Variants in N4BP2 observed in about 807,000 individuals in gnomAD.
N4BP2 encodes the protein NEDD4-binding protein 2.
N4BP2 carries 91 observed loss-of-function variants against 152.8 expected under a neutral mutation model. The observed-to-expected ratio is 0.60, with a 90% CI of 0.50 to 0.71. N4BP2 has a LOEUF of 0.71. Among genes scored for constraint, N4BP2 ranks in the 30% least tolerant of loss-of-function variants. The probability of loss-of-function intolerance (pLI) is 0.00; values close to 1 mark genes in which losing one functional copy is unlikely to be tolerated. For synonymous variants in N4BP2, 646 were observed against 705.3 expected (o/e 0.92, Z 1.33); for missense variants, 1,923 against 2,059.1 (o/e 0.93, Z 1.28).
Position 40,082,572 on chromosome 4 carries a change from T to G in N4BP2, c.-115+9021T>G, listed in dbSNP as rs149878648. Among the ~76,000 whole-genome samples, 1,118 of 152,202 alleles carry G rather than the reference T, an allele frequency of 7.3e-3. 4 individuals carry two copies. Among genetic ancestry groups the G allele is most frequent in the African/African-American group, 0.025 (1,046 of 41,528 alleles). On this transcript the variant is annotated intron_variant, in intron 2 of 17. Coordinates refer to ENST00000261435, the MANE Select transcript of N4BP2 (RefSeq NM_018177.6). ...ACTAGGATTATGTGGAAGAGTTAGTTCCTTGAGCCCAGGACTTCGAGACCA... is the reference window on the plus strand; with the variant it reads ...ACTAGGATTATGTGGAAGAGTTAGTGCCTTGAGCCCAGGACTTCGAGACCA...
chr4:40,117,517 A>G (rs1199770814), intron 7 of N4BP2, among the ~76,000 whole-genome samples: 2 of 152,240 alleles, frequency 1.3e-5, no homozygotes, highest in African/African-American at 2.4e-5. Flanking sequence ...CTCCGAGTTG[A>G]AGGCCTCAGA....
chr4:40,102,321 A>T lies in N4BP2; in HGVS notation c.476A>T (p.Asp159Val), dbSNP rs1401835073. The change falls in exon 4 of 18, where the codon GAC becomes GTC. Residue 159 changes from aspartate to valine, a missense_variant. By Grantham distance (152) the Asp-to-Val change is radical (BLOSUM62 -3). Coordinates refer to ENST00000261435, the MANE Select transcript of N4BP2 (RefSeq NM_018177.6). ...GAGAAATTGAACTCTTCTCCTGATG[A>T]CCAAGTATACTCATTTTTGCCTTCA... ...AFEKLNSSPDDQVYSFLPSQD... is the reference protein window; with the variant it reads ...AFEKLNSSPDVQVYSFLPSQD... 2 of 1,613,316 alleles carry T rather than the reference A, an allele frequency of 1.2e-6. No individual in the cohort carries two copies. Among genetic ancestry groups the T allele is most frequent in the South Asian group, 2.2e-5 (2 of 91,004 alleles).
chr4:40,080,344 G>A (rs12512577), intron 2 of N4BP2, among the ~76,000 whole-genome samples: 1 of 149,590 alleles, frequency 6.7e-6, no homozygotes, highest in Non-Finnish European at 1.5e-5. Flanking sequence ...ACATATATAT[G>A]TATATATATA....
intron 16 of N4BP2, among the ~76,000 whole-genome samples, chr4:40,145,692 G>A (rs77135513): frequency 0.053 from 8,095 of 152,156 alleles, 648 homozygotes; most frequent in East Asian, 0.41. Context: ...AATTAATAGT[G>A]TTTTACTCAA....
downstream of N4BP2, among the ~76,000 whole-genome samples, chr4:40,162,735 G>T (rs1721890472): frequency 6.6e-6 from 1 of 152,166 alleles, no homozygotes; most frequent in African/African-American, 2.4e-5. Flanking sequence ...GGGTTCTCCA[G>T]AATGAATAGG....
downstream of N4BP2, among the ~76,000 whole-genome samples, chr4:40,158,664 C>T (rs1267791107): frequency 3.3e-5 from 5 of 151,932 alleles, no homozygotes; most frequent in Non-Finnish European, 5.9e-5. Flanking sequence ...GTGGCATACA[C>T]CTGTAATCCC....
At chr4:40,173,005 G>A in the N4BP2 span, among the ~76,000 whole-genome samples, 3 of 151,802 alleles carry the variant, frequency 2.0e-5, no homozygotes, top group Admixed American at 6.6e-5. Context: ...AGTTGACACC[G>A]CCTTGCTGTT....
At chr4:40,149,256 T>C (rs1448851242) in intron 16 of N4BP2, among the ~76,000 whole-genome samples, 5 of 152,188 alleles carry the variant, frequency 3.3e-5, no homozygotes, top group Admixed American at 6.5e-5. Flanking sequence ...TACAATGAAA[T>C]TTAATTTAGC....
At chr4:40,177,041 G>A in the N4BP2 span, among the ~76,000 whole-genome samples, 11,381 of 152,232 alleles carry the variant, frequency 0.075, 449 homozygotes, top group Middle Eastern at 0.082. Context: ...AATTAAGGAA[G>A]AGTCCTGCAA....
chr4:40,126,557 T>A (rs1257729879), intron 12 of N4BP2, among the ~76,000 whole-genome samples: 1 of 152,194 alleles, frequency 6.6e-6, no homozygotes, highest in East Asian at 1.9e-4. Context: ...AAGTTTGTGT[T>A]GTTTTAGATT....
intron 15 of N4BP2, 35 bp from the exon 16 acceptor site, chr4:40,144,597 C>G: frequency 6.5e-7 from 1 of 1,541,596 alleles, no homozygotes; most frequent in Non-Finnish European, 8.8e-7. Context: ...TAGCAAACAG[C>G]AAAACTGTCC....
At chr4:40,087,738 G>A (rs992348611) in intron 2 of N4BP2, among the ~76,000 whole-genome samples, 2 of 151,800 alleles carry the variant, frequency 1.3e-5, no homozygotes, top group Non-Finnish European at 2.9e-5. Flanking sequence ...TAGCCTTTTA[G>A]GACTGGCTTT....
chr4:40,144,728 T>C lies in N4BP2; in HGVS notation c.5071T>C (p.Leu1691=), dbSNP rs765109427. ...TGCTTCGCTGCTGCCACAGAATGTT[T>C]TAGACCTCCATGGGCTGCATGTGGA... is the stretch of plus-strand genomic sequence containing the variant. ...VNASLLPQNV[L]DLHGLHVDEA... is the part of the protein sequence containing the mutation. Residue 1691 remains leucine, a synonymous_variant, in exon 16 of 18, where the codon TTA becomes CTA. Transcript: ENST00000261435. The C allele has an allele frequency of 2.5e-6, 4 of 1,614,138 alleles. No individual in the cohort carries two copies. In the South Asian group the frequency reaches 3.3e-5, roughly 13 times the overall value.
chr4:40,139,553 G>A lies in N4BP2; in HGVS notation c.4785+2471G>A, dbSNP rs188046958. 2.9e-3 allele frequency among the ~76,000 whole-genome samples: 425 copies of A among 145,550 alleles called. 5 individuals are homozygous for A. The highest frequency in any genetic ancestry group is 0.01 in the African/African-American group (399 of 39,162). ...GTCGCCCAGGCTGGAGTGCAGTGGC[G>A]CGATCTCGGCTCACTGCAACCTGTG... On this transcript the variant is annotated intron_variant, in intron 14 of 17. Transcript: ENST00000261435.
chr4:40,098,803 C>T (rs1715338411), intron 3 of N4BP2, among the ~76,000 whole-genome samples: 1 of 152,108 alleles, frequency 6.6e-6, no homozygotes, highest in Non-Finnish European at 1.5e-5. Context: ...CATCCTATAC[C>T]ATAACAAAAA....
chr4:40,066,974 T>C (rs1471598660), intron 1 of N4BP2, among the ~76,000 whole-genome samples: 2 of 152,042 alleles, frequency 1.3e-5, no homozygotes, highest in African/African-American at 4.8e-5. Context: ...TTGTTATTGC[T>C]GTTTTTGGGG....
the N4BP2 span, among the ~76,000 whole-genome samples, chr4:40,181,163 A>G: frequency 2.0e-5 from 3 of 152,092 alleles, no homozygotes; most frequent in Admixed American, 6.6e-5. Context: ...AAAGAAAAAA[A>G]TATATATACA....
Position 40,122,012 on chromosome 4 carries a change from G to C in N4BP2, c.3901G>C (p.Glu1301Gln). Reference sequence around the variant, plus strand: ...TAGTACTTCAAATCTTGAATTAAATGAAGAAATTTATTTTACTGATTCTCT... The same window carrying C: ...TAGTACTTCAAATCTTGAATTAAATCAAGAAATTTATTTTACTGATTCTCT... ...VSSTSNLELNEEIYFTDSLEI... is the reference protein window; with the variant it reads ...VSSTSNLELNQEIYFTDSLEI... Residue 1301 changes from glutamate (E) to glutamine (Q), a missense_variant, in exon 9 of 18, where the codon GAA becomes CAA. Coordinates refer to ENST00000261435, the MANE Select transcript of N4BP2 (RefSeq NM_018177.6). The C allele has an allele frequency of 6.5e-7, 1 of 1,541,518 alleles. No homozygotes were observed. Among genetic ancestry groups the C allele is most frequent in the East Asian group, 2.3e-5 (1 of 44,188 alleles).
chr4:40,102,647 G>T lies in N4BP2; in HGVS notation c.802G>T (p.Glu268Ter), dbSNP rs1048790842. The change falls in exon 4 of 18, where the codon GAA (glutamate) becomes TAA (stop). Residue 268 changes from glutamate (E) to a stop codon, truncating the protein, a stop_gained. Transcript: ENST00000261435. LOFTEE classifies it high-confidence loss of function. ...TAGCAGTCTCAATCAAAAACAGAAA[G>T]AACTTTTAGAATCTGAGTGCGTTGA... ...GCSSLNQKQK[E>*]LLESECVEAQ... is the part of the protein sequence containing the mutation. 6.2e-7 allele frequency: 1 copy of T among 1,614,142 alleles called. No individual in the cohort carries two copies. The highest frequency in any genetic ancestry group is 1.7e-5 in the Admixed American group (1 of 60,006).
Sources: allele counts gnomAD v4.1 joint callset (sites outside exome capture counted in the v4.1 genomes callset), GRCh38; gene constraint gnomAD v4.1.1; transcripts MANE v1.5; gene names NCBI Gene and HGNC (gene_info 2026-07-23, HGNC 2026-07-21).